Variants in GRB10 observed in about 807,000 individuals in gnomAD.
The protein encoded by GRB10 is growth factor receptor bound protein 10.
A neutral mutation model predicts 80.9 loss-of-function variants in GRB10; 20 were observed. The ratio of observed to expected loss-of-function variants is 0.25; its 90% CI spans 0.17 to 0.36. The LOEUF is 0.36. GRB10 is among the 10% of genes least tolerant of loss of function. The probability of loss-of-function intolerance (pLI) is 1.00; values close to 1 mark genes in which losing one functional copy is unlikely to be tolerated. For synonymous variants in GRB10, 291 were observed against 291.5 expected (o/e 1.00, Z 0.02); for missense variants, 548 against 747.7 (o/e 0.73, Z 3.12).
At chr7:50,604,464 G>C in intron 15 of GRB10, 87 bp from the exon 16 acceptor site, 10 of 1,122,208 alleles carry the variant, frequency 8.9e-6, no homozygotes, top group East Asian at 2.3e-5. Context: ...GCAGGCCACT[G>C]GGTGGGGTGC....
At position 50,605,198 on chromosome 7, in the gene GRB10, C is replaced by T. The variant is rs139244693; in HGVS notation, c.1389+92G>A. On this transcript the variant is annotated intron_variant, in intron 15 of 18. Transcript: ENST00000401949. ...CCCAACATGGCACCCCTCTTGCCAA[C>T]CCGCATAGAGCTGTTCCTCTGGGAG... The T allele has an allele frequency of 4.7e-4, 453 of 956,448 alleles. 1 individual carries two copies. The African/African-American group carries it at 5.9e-3, about 13-fold the overall frequency. 59.2% of individuals were successfully genotyped at this position (956,448 alleles called of 1,614,324 possible).
At chr7:50,634,801 G>C (rs568600323) in intron 7 of GRB10, among the ~76,000 whole-genome samples, 1 of 152,048 alleles carries the variant, frequency 6.6e-6, no homozygotes, top group African/African-American at 2.4e-5. Context: ...GACAATGAAG[G>C]GCATTATATC....
intron 5 of GRB10, among the ~76,000 whole-genome samples, chr7:50,688,637 G>A (rs2062395248): frequency 6.6e-6 from 1 of 152,024 alleles, no homozygotes; most frequent in Non-Finnish European, 1.5e-5. Context: ...AAAGAGTAGA[G>A]TGAGGACTCA....
At chr7:50,690,567 C>T (rs1273080706) in intron 5 of GRB10, among the ~76,000 whole-genome samples, 1 of 152,200 alleles carries the variant, frequency 6.6e-6, no homozygotes, top group Non-Finnish European at 1.5e-5. Flanking sequence ...TGTTGTGGAT[C>T]ATTAAATCAG....
intron 5 of GRB10, among the ~76,000 whole-genome samples, chr7:50,679,656 T>C (rs1031413965): frequency 6.6e-6 from 1 of 152,156 alleles, no homozygotes; most frequent in Non-Finnish European, 1.5e-5. Context: ...CATTTTCATA[T>C]GGAAGATATA....
chr7:50,736,061 G>A (rs1371533416), intron 3 of GRB10, among the ~76,000 whole-genome samples: 19 of 152,010 alleles, frequency 1.2e-4, no homozygotes, highest in Admixed American at 5.9e-4. Flanking sequence ...CAAGGCGGGC[G>A]GATCACTTGA....
chr7:50,734,430 G>T (rs1488411875), intron 3 of GRB10, among the ~76,000 whole-genome samples: 1 of 149,022 alleles, frequency 6.7e-6, no homozygotes, highest in African/African-American at 2.4e-5. Context: ...CTGGGTGACA[G>T]TTCTGCCACA....
chr7:50,603,591 A>G (rs1462677372), intron 17 of GRB10, among the ~76,000 whole-genome samples: 1 of 152,166 alleles, frequency 6.6e-6, no homozygotes, highest in Non-Finnish European at 1.5e-5. Flanking sequence ...TACGTAATTT[A>G]TTTTTGTTGT....
chr7:50,652,627 G>C (rs1325675382), intron 7 of GRB10, among the ~76,000 whole-genome samples: 1 of 152,172 alleles, frequency 6.6e-6, no homozygotes, highest in Non-Finnish European at 1.5e-5. Context: ...TCATTCCAGA[G>C]TGGGAGGAGA....
At chr7:50,658,765 C>T (rs1418433882) in intron 7 of GRB10, among the ~76,000 whole-genome samples, 1 of 152,116 alleles carries the variant, frequency 6.6e-6, no homozygotes, top group Non-Finnish European at 1.5e-5. Context: ...TGGGATTTCA[C>T]ATAAGATTCC....
Position 50,593,033 on chromosome 7 carries a change from G to C in GRB10, c.1704C>G (p.Ile568Met). The part of the protein sequence containing the change: ...DDGNTKFSDL[I>M]QLVDFYQLNK... ...TCAGCTGGTAAAAGTCAACCAGCTG[G>C]ATCAGGTCAGAGAATTTGGTGTTCC... The change falls in exon 19 of 19, where the codon ATC becomes ATG. Residue 568 changes from isoleucine (I) to methionine (M), a missense_variant. Coordinates refer to ENST00000401949, the MANE Select transcript of GRB10 (RefSeq NM_001350814.2). 6.2e-7 allele frequency: 1 copy of C among 1,614,170 alleles called. No individual in the cohort carries two copies. Among genetic ancestry groups the C allele is most frequent in the Non-Finnish European group, 8.5e-7 (1 of 1,180,022 alleles).
At chr7:50,651,103 A>G (rs1290337913) in intron 7 of GRB10, among the ~76,000 whole-genome samples, 1 of 152,218 alleles carries the variant, frequency 6.6e-6, no homozygotes, top group South Asian at 2.1e-4. Context: ...ATTCAACTAT[A>G]TATTTTTCTA....
chr7:50,720,877 C>T (rs1046141882), intron 4 of GRB10, among the ~76,000 whole-genome samples: 4 of 152,078 alleles, frequency 2.6e-5, no homozygotes, highest in Non-Finnish European at 4.4e-5. Context: ...GTCTAAAGCA[C>T]GATATTATCC....
At chr7:50,595,618 C>T (rs896939679) in intron 17 of GRB10, 88 bp from the exon 18 acceptor site, 4 of 763,360 alleles carry the variant, frequency 5.2e-6, no homozygotes, top group Admixed American at 1.8e-5. Flanking sequence ...CACACACACA[C>T]ACACACACAC....
At chr7:50,623,665 T>C (rs1304639590) in intron 8 of GRB10, among the ~76,000 whole-genome samples, 1 of 152,230 alleles carries the variant, frequency 6.6e-6, no homozygotes, top group African/African-American at 2.4e-5. Flanking sequence ...CTGCAGGCTA[T>C]CTTGGGAACT....
chr7:50,696,895 G>A (rs1271711815), intron 5 of GRB10, among the ~76,000 whole-genome samples: 1 of 152,138 alleles, frequency 6.6e-6, no homozygotes, highest in African/African-American at 2.4e-5. Flanking sequence ...CAGCCACAAG[G>A]TGGAGGCAAC....
At chr7:50,717,124 A>G (rs1489403178) in intron 4 of GRB10, among the ~76,000 whole-genome samples, 1 of 152,240 alleles carries the variant, frequency 6.6e-6, no homozygotes, top group Non-Finnish European at 1.5e-5. Flanking sequence ...TGAGGTATAC[A>G]AAGTCCTGTC....
intron 3 of GRB10, among the ~76,000 whole-genome samples, chr7:50,733,280 A>G (rs1487901862): frequency 6.6e-6 from 1 of 152,236 alleles, no homozygotes; most frequent in Non-Finnish European, 1.5e-5. Context: ...ACCTTTGATC[A>G]TGGACTTCCA....
chr7:50,741,868 A>G (rs755062727), intron 3 of GRB10, among the ~76,000 whole-genome samples: 3 of 152,206 alleles, frequency 2.0e-5, no homozygotes, highest in Admixed American at 6.5e-5. Flanking sequence ...AAATATAATA[A>G]AAGACAAATC....
Sources: allele counts gnomAD v4.1 joint callset (sites outside exome capture counted in the v4.1 genomes callset), GRCh38; gene constraint gnomAD v4.1.1; transcripts MANE v1.5; gene names NCBI Gene and HGNC (gene_info 2026-07-23, HGNC 2026-07-21).